Variants in EYS observed in about 807,000 individuals in gnomAD.
EYS encodes the protein protein eyes shut homolog.
A neutral mutation model predicts 282.1 loss-of-function variants in EYS; 250 were observed. The ratio of observed to expected loss-of-function variants is 0.89; its 90% CI spans 0.80 to 0.98. The LOEUF is 0.98. EYS is among the 50% of genes least tolerant of loss of function. The pLI is 0.00. For missense variants in EYS, 4,016 were observed against 3,709.0 expected, an observed-to-expected ratio of 1.08 and a Z score of -2.15; for synonymous variants, 1,355 against 1,282.9, an observed-to-expected ratio of 1.06 and a Z score of -1.20.
chr6:64,451,043 C>G (rs1288381755), intron 26 of EYS, among the ~76,000 whole-genome samples: 1 of 152,036 alleles, frequency 6.6e-6, no homozygotes, highest in Non-Finnish European at 1.5e-5. Flanking sequence ...ACAAAAAACC[C>G]TTCAAAAAAG....
intron 26 of EYS, among the ~76,000 whole-genome samples, chr6:64,453,666 A>T (rs895810469): frequency 6.6e-6 from 1 of 152,238 alleles, no homozygotes; most frequent in Admixed American, 6.5e-5. Context: ...ACCATGGGAT[A>T]CTATGCAGCC....
At chr6:65,236,994 T>C (rs1766943722) in intron 12 of EYS, among the ~76,000 whole-genome samples, 1 of 152,222 alleles carries the variant, frequency 6.6e-6, no homozygotes, top group Non-Finnish European at 1.5e-5. Flanking sequence ...GTCGTAGATG[T>C]GCTGAAGACC....
At chr6:64,169,117 CT>C (rs1764394367) in intron 31 of EYS, among the ~76,000 whole-genome samples, 1 of 152,170 alleles carries the variant, frequency 6.6e-6, no homozygotes, top group Non-Finnish European at 1.5e-5. Context: ...CAGTAAAGGT[CT>C]TGACCTTGTT....
At chr6:65,110,320 C>T (rs1333068441) in intron 12 of EYS, among the ~76,000 whole-genome samples, 2 of 152,028 alleles carry the variant, frequency 1.3e-5, no homozygotes, top group African/African-American at 2.4e-5. Flanking sequence ...CAGGAAGATC[C>T]GAACCCTGAA....
chr6:64,599,824 ATT>A (rs1419222633), intron 24 of EYS, among the ~76,000 whole-genome samples: 1 of 152,130 alleles, frequency 6.6e-6, no homozygotes, highest in Non-Finnish European at 1.5e-5. Context: ...CATCGTCAAG[ATT>A]TGTTATCAAT....
chr6:65,507,979 T>C (rs1274672865), intron 2 of EYS, among the ~76,000 whole-genome samples: 1 of 152,206 alleles, frequency 6.6e-6, no homozygotes, highest in Non-Finnish European at 1.5e-5. Context: ...TTCTTTCCTT[T>C]AGGTATGCCT....
At chr6:65,121,073 C>G (rs1775534256) in intron 12 of EYS, among the ~76,000 whole-genome samples, 1 of 151,788 alleles carries the variant, frequency 6.6e-6, no homozygotes, top group Admixed American at 6.6e-5. Flanking sequence ...GACTCTACTA[C>G]TTTCTCAGAA....
chr6:64,714,512 C>CTTTCT (rs1562150622), intron 22 of EYS, among the ~76,000 whole-genome samples: 1 of 21,814 alleles, frequency 4.6e-5, no homozygotes, highest in Non-Finnish European at 1.5e-4. Context: ...CATTTTCTTT[C>CTTTCT]TTTCTTTTTT....
At chr6:64,315,519 T>C (rs1333277590) in intron 29 of EYS, among the ~76,000 whole-genome samples, 1 of 148,728 alleles carries the variant, frequency 6.7e-6, no homozygotes, top group East Asian at 2.0e-4. Context: ...AAATCCTCAA[T>C]AAAATGCTGG....
intron 17 of EYS, 71 bp from the exon 18 acceptor site, chr6:64,902,291 A>C: frequency 7.4e-7 from 1 of 1,342,734 alleles, no homozygotes; most frequent in Non-Finnish European, 1.0e-6. Flanking sequence ...TAATTGTAGC[A>C]TGGCAAGTTT....
chr6:63,932,089 G>T (rs1162379669), intron 35 of EYS, among the ~76,000 whole-genome samples: 1 of 152,162 alleles, frequency 6.6e-6, no homozygotes, highest in Non-Finnish European at 1.5e-5. Context: ...GAGAATATGC[G>T]GTTCTATGTC....
At chr6:64,830,749 T>C (rs901892927) in intron 19 of EYS, among the ~76,000 whole-genome samples, 8 of 152,020 alleles carry the variant, frequency 5.3e-5, no homozygotes, top group Non-Finnish European at 7.4e-5. Flanking sequence ...GTACTTATTT[T>C]AGAAAGCAGG....
chr6:64,643,827 A>G (rs1467770357), intron 22 of EYS, among the ~76,000 whole-genome samples: 1 of 152,204 alleles, frequency 6.6e-6, no homozygotes, highest in Non-Finnish European at 1.5e-5. Flanking sequence ...CTTGCCTTCC[A>G]GGATGATTGT....
chr6:63,734,478 T>C lies in EYS; in HGVS notation c.8072-7798A>G, dbSNP rs1464492216. 2.6e-5 allele frequency among the ~76,000 whole-genome samples: 4 copies of C among 152,100 alleles called. No homozygotes were observed. In the East Asian group the frequency reaches 7.7e-4, roughly 29 times the overall value. On this transcript the variant is annotated intron_variant, in intron 41 of 42. Transcript: ENST00000503581. ...GCTGCACTGAGAATACAGTGACGAA[T>C]GCAAATGTGGGAACAGGGCACTCCC...
intron 30 of EYS, among the ~76,000 whole-genome samples, chr6:64,301,729 A>G (rs78686546): frequency 0.013 from 1,989 of 152,210 alleles, 26 homozygotes; most frequent in East Asian, 0.049. Flanking sequence ...AAACCCCTTC[A>G]GTTCTTATCT....
chr6:65,644,917 G>T (rs564741788), intron 1 of EYS, among the ~76,000 whole-genome samples: 1 of 151,974 alleles, frequency 6.6e-6, no homozygotes, highest in Non-Finnish European at 1.5e-5. Context: ...TAAAAGGAGT[G>T]ATAAGACTTC....
intron 29 of EYS, among the ~76,000 whole-genome samples, chr6:64,309,523 T>C (rs912973506): frequency 3.9e-5 from 6 of 152,240 alleles, no homozygotes; most frequent in Admixed American, 1.3e-4. Flanking sequence ...TTTGCAGTAC[T>C]GTTCGGAATA....
chr6:63,747,375 C>A (rs1769236244), intron 41 of EYS, among the ~76,000 whole-genome samples: 1 of 152,158 alleles, frequency 6.6e-6, no homozygotes, highest in Non-Finnish European at 1.5e-5. Flanking sequence ...ATTATGCGGT[C>A]AATTTTAGAA....
chr6:65,329,457 A>C (rs1344142467), intron 11 of EYS: 30 of 953,490 alleles, frequency 3.1e-5, no homozygotes, highest in Non-Finnish European at 3.6e-5. Context: ...AAAATATATC[A>C]GTGTATGTAA....
Sources: gnomAD v4.1 joint callset for allele counts (sites outside exome capture counted in the v4.1 genomes callset) on GRCh38, gnomAD v4.1.1 for gene constraint, MANE v1.5 for transcripts, NCBI Gene and HGNC (gene_info 2026-07-23, HGNC 2026-07-21) for gene names.